Variants in CEP112 observed in about 807,000 individuals in gnomAD.
The protein encoded by CEP112 is centrosomal protein of 112 kDa.
In CEP112, 127 loss-of-function variants were observed where a neutral mutation model predicts 153.0. That is an observed-to-expected ratio of 0.83 (90% CI 0.72 to 0.96). The LOEUF is 0.96. CEP112 is among the 40% of genes least tolerant of loss of function. The pLI is 0.00. For missense variants in CEP112, 1,089 were observed against 1,101.2 expected (o/e 0.99, Z 0.16); for synonymous variants, 358 against 374.4 (o/e 0.96, Z 0.51).
intron 18 of CEP112, among the ~76,000 whole-genome samples, chr17:65,937,652 T>C (rs1441609929): frequency 3.4e-5 from 3 of 88,696 alleles, no homozygotes; most frequent in Non-Finnish European, 4.5e-5. Flanking sequence ...AGCCGCCCTG[T>C]CCGGGAGGTG....
At chr17:65,640,013 T>G (rs998593625) in intron 25 of CEP112, among the ~76,000 whole-genome samples, 1 of 149,848 alleles carries the variant, frequency 6.7e-6, no homozygotes, top group Non-Finnish European at 1.5e-5. Flanking sequence ...AATTTTTGTA[T>G]TTTTAGTAGA....
At position 66,166,922 on chromosome 17, in the gene CEP112, A is replaced by C. The variant is rs961498329; in HGVS notation, c.470+8122T>G. 1.7e-3 allele frequency among the ~76,000 whole-genome samples: 237 copies of C among 140,076 alleles called. 1 individual carries two copies. Among genetic ancestry groups the C allele is most frequent in the African/African-American group, 5.5e-3 (212 of 38,528 alleles). 91.9% of individuals were successfully genotyped at this position (140,076 alleles called of 152,430 possible). ...CCATCTCAAAAAAAAAAAAAAAAAAACACACAGTTACTTAGGCAGCTTCAA... is the reference window on the plus strand; with the variant it reads ...CCATCTCAAAAAAAAAAAAAAAAAACCACACAGTTACTTAGGCAGCTTCAA... On this transcript the variant is annotated intron_variant, in intron 4 of 26. Transcript: ENST00000535342.
chr17:65,814,233 T>C (rs1021996823), intron 21 of CEP112, among the ~76,000 whole-genome samples: 4 of 152,288 alleles, frequency 2.6e-5, no homozygotes, highest in Non-Finnish European at 5.9e-5. Context: ...GTGTCTAACA[T>C]ATTCTCACCA....
chr17:66,154,173 G>T (rs1318062625), intron 4 of CEP112, among the ~76,000 whole-genome samples: 1 of 141,968 alleles, frequency 7.0e-6, no homozygotes, highest in South Asian at 2.2e-4. Context: ...GTGAGACTCC[G>T]TCTCAAAAAA....
chr17:65,839,195 A>G (rs2146202378), intron 21 of CEP112, among the ~76,000 whole-genome samples: 2 of 152,206 alleles, frequency 1.3e-5, no homozygotes, highest in Admixed American at 1.3e-4. Flanking sequence ...GGACACACAC[A>G]TACACACACA....
chr17:66,099,325 G>A (rs1334096065), intron 6 of CEP112, among the ~76,000 whole-genome samples: 1 of 152,024 alleles, frequency 6.6e-6, no homozygotes, highest in Non-Finnish European at 1.5e-5. Context: ...CCAACATGGT[G>A]AAACCCCGTC....
At chr17:65,640,509 A>T (rs1263831674) in intron 25 of CEP112, among the ~76,000 whole-genome samples, 1 of 152,208 alleles carries the variant, frequency 6.6e-6, no homozygotes, top group African/African-American at 2.4e-5. Context: ...ATACCTTGTC[A>T]TTATTTTGCC....
chr17:66,097,101 T>C (rs1284378561), intron 6 of CEP112, among the ~76,000 whole-genome samples: 1 of 152,202 alleles, frequency 6.6e-6, no homozygotes, highest in Non-Finnish European at 1.5e-5. Context: ...ACCTTTCTAA[T>C]AGCAAAGAGA....
chr17:65,941,886 G>A (rs541447486), intron 18 of CEP112, among the ~76,000 whole-genome samples: 1 of 151,922 alleles, frequency 6.6e-6, no homozygotes, highest in East Asian at 1.9e-4. Context: ...CAGTTAAAGC[G>A]ATTCTTCTGC....
chr17:65,934,106 T>C (rs1229626688), intron 18 of CEP112, among the ~76,000 whole-genome samples: 6 of 152,170 alleles, frequency 3.9e-5, no homozygotes, highest in African/African-American at 1.4e-4. Flanking sequence ...CGAGAACTGC[T>C]TGAACCTGGG....
At chr17:66,077,588 A>G (rs1473739095) in intron 8 of CEP112, among the ~76,000 whole-genome samples, 1 of 152,204 alleles carries the variant, frequency 6.6e-6, no homozygotes, top group Non-Finnish European at 1.5e-5. Flanking sequence ...CCTAAGAACA[A>G]TCGGTATTCC....
intron 25 of CEP112, among the ~76,000 whole-genome samples, chr17:65,637,621 C>T (rs1257614801): frequency 6.6e-6 from 1 of 152,226 alleles, no homozygotes; most frequent in East Asian, 1.9e-4. Flanking sequence ...CACCTCCTCC[C>T]CAGCTGCTCC....
At chr17:66,043,772 CA>C (rs1296609703) in intron 12 of CEP112, among the ~76,000 whole-genome samples, 7 of 152,086 alleles carry the variant, frequency 4.6e-5, no homozygotes, top group Admixed American at 4.6e-4. Flanking sequence ...CTGCCAATAC[CA>C]AAATGCGTAA....
chr17:65,723,586 G>A (rs574919658), intron 23 of CEP112, among the ~76,000 whole-genome samples: 3 of 152,178 alleles, frequency 2.0e-5, no homozygotes, highest in South Asian at 2.1e-4. Context: ...TACTAGAAAC[G>A]GCAAGAATAT....
chr17:66,042,133 G>T (rs2145843488), intron 12 of CEP112, among the ~76,000 whole-genome samples: 1 of 152,278 alleles, frequency 6.6e-6, no homozygotes, highest in South Asian at 2.1e-4. Context: ...CAGATCACCT[G>T]AGGTCAGGAG....
intron 23 of CEP112, among the ~76,000 whole-genome samples, chr17:65,707,062 C>T (rs1392015303): frequency 6.6e-6 from 1 of 152,184 alleles, no homozygotes; most frequent in African/African-American, 2.4e-5. Flanking sequence ...TGGTCCACTT[C>T]ATGCCATTTT....
intron 8 of CEP112, among the ~76,000 whole-genome samples, chr17:66,093,160 C>T (rs1466946761): frequency 6.6e-6 from 1 of 152,070 alleles, no homozygotes; most frequent in East Asian, 1.9e-4. Context: ...ATGGTGAAAC[C>T]TTGTCTCTAC....
rs187896487 is a variant in CEP112 at position 65,958,366 on chromosome 17, G to A, written c.1872+3097C>T. 1.2e-3 allele frequency among the ~76,000 whole-genome samples: 180 copies of A among 152,166 alleles called. 1 individual carries two copies. Among genetic ancestry groups the A allele is most frequent in the African/African-American group, 3.7e-3 (154 of 41,518 alleles). The stretch of plus-strand genomic sequence containing the variant: ...CATATTACATACATGTATATTACAC[G>A]CATTACATTATATGTAACATGAATG... On this transcript the variant is annotated intron_variant, in intron 18 of 26. Coordinates refer to ENST00000535342, the MANE Select transcript of CEP112 (RefSeq NM_001199165.4).
At chr17:65,945,999 A>G (rs920622998) in intron 18 of CEP112, among the ~76,000 whole-genome samples, 1 of 152,230 alleles carries the variant, frequency 6.6e-6, no homozygotes, top group African/African-American at 2.4e-5. Context: ...CTTTTGTGAA[A>G]TATCTGTTCA....
Sources: allele counts gnomAD v4.1 joint callset (sites outside exome capture counted in the v4.1 genomes callset), GRCh38; gene constraint gnomAD v4.1.1; transcripts MANE v1.5; gene names NCBI Gene and HGNC (gene_info 2026-07-23, HGNC 2026-07-21).